C4orf51: variants seen among roughly 807,000 people sequenced by gnomAD.
C4orf51 encodes chromosome 4 open reading frame 51.
Under a neutral mutation model 25.2 loss-of-function variants are expected in C4orf51, and 25 were observed. The observed-to-expected ratio is 0.99, with a 90% CI of 0.72 to 1.39. C4orf51 has a LOEUF of 1.39. Among genes scored for constraint, C4orf51 ranks in the 40% most tolerant of loss-of-function variants. The pLI, the probability that C4orf51 is intolerant of heterozygous loss-of-function variation, is 0.00. For missense variants in C4orf51, 252 were observed against 239.6 expected (o/e 1.05, Z -0.34); for synonymous variants, 100 against 84.5 (o/e 1.18, Z -1.01).
the C4orf51 span, among the ~76,000 whole-genome samples, chr4:145,782,925 T>A: frequency 6.6e-6 from 1 of 152,238 alleles, no homozygotes; most frequent in Non-Finnish European, 1.5e-5. Flanking sequence ...TGAAGCCCTA[T>A]CTCAGATTTT....
chr4:145,700,742 A>C (rs1312831406), intron 2 of C4orf51, among the ~76,000 whole-genome samples: 1 of 151,922 alleles, frequency 6.6e-6, no homozygotes, highest in Non-Finnish European at 1.5e-5. Context: ...AGCGTCGCTG[A>C]GTCTTTCTAA....
At chr4:145,783,228 A>G in the C4orf51 span, among the ~76,000 whole-genome samples, 1 of 152,198 alleles carries the variant, frequency 6.6e-6, no homozygotes, top group East Asian at 1.9e-4. Flanking sequence ...GCTACATAAG[A>G]GGTGCTTAGT....
chr4:145,781,002 C>T, the C4orf51 span, among the ~76,000 whole-genome samples: 231 of 152,154 alleles, frequency 1.5e-3, no homozygotes, highest in African/African-American at 5.4e-3. Flanking sequence ...CGAGACCATC[C>T]TGGCTAACAC....
intron 1 of C4orf51, among the ~76,000 whole-genome samples, chr4:145,749,691 G>A (rs1579033638): frequency 1.3e-5 from 2 of 152,000 alleles, no homozygotes; most frequent in Admixed American, 1.3e-4. Flanking sequence ...CTGGAGTGCA[G>A]TGGTGCAATC....
At chr4:145,714,142 A>T (rs1262971112) in intron 2 of C4orf51, among the ~76,000 whole-genome samples, 1 of 152,220 alleles carries the variant, frequency 6.6e-6, no homozygotes, top group African/African-American at 2.4e-5. Flanking sequence ...TAGGGTAAAC[A>T]TAACTTCTAT....
At chr4:145,709,049 C>T (rs1307178725) in intron 2 of C4orf51, among the ~76,000 whole-genome samples, 4 of 152,160 alleles carry the variant, frequency 2.6e-5, no homozygotes, top group Non-Finnish European at 5.9e-5. Flanking sequence ...GAAGAATACT[C>T]ATGGGAAGCC....
chr4:145,774,796 C>T, downstream of C4orf51: 2 of 1,128,474 alleles, frequency 1.8e-6, no homozygotes, highest in South Asian at 1.6e-5. Flanking sequence ...TTTGTCTCTC[C>T]ACCAAAAGGT....
downstream of C4orf51, among the ~76,000 whole-genome samples, chr4:145,757,067 ATTGT>A (rs991862898): frequency 6.6e-6 from 1 of 152,228 alleles, no homozygotes; most frequent in Non-Finnish European, 1.5e-5. Flanking sequence ...ATTTTAAAAA[ATTGT>A]TTGAACTTAG....
intron 2 of C4orf51, among the ~76,000 whole-genome samples, chr4:145,711,179 A>G (rs957684452): frequency 5.3e-5 from 8 of 152,308 alleles, no homozygotes; most frequent in African/African-American, 1.9e-4. Context: ...TTTAAGGTCC[A>G]TAAATACCCC....
chr4:145,698,075 G>C (rs1298801012), intron 2 of C4orf51, among the ~76,000 whole-genome samples: 1 of 152,154 alleles, frequency 6.6e-6, no homozygotes, highest in Non-Finnish European at 1.5e-5. Flanking sequence ...CCTGAAATTA[G>C]TGAGGTTGAG....
intron 2 of C4orf51, 145 bp downstream of exon 2, chr4:145,696,777 A>C: frequency 1.6e-6 from 1 of 616,722 alleles, no homozygotes; most frequent in Admixed American, 3.1e-5. Flanking sequence ...TCACACCTGT[A>C]CTCTCAGTAC....
intron 3 of C4orf51, 80 bp downstream of exon 3, chr4:145,727,049 AC>A (rs1197118535): frequency 3.0e-5 from 34 of 1,133,884 alleles, no homozygotes; most frequent in South Asian, 1.8e-4. Flanking sequence ...CATTAAAAAA[AC>A]AAAAGGGGTT....
In C4orf51 at chr4:145,740,240, C is replaced by CAAAAAAAAAAAAAAAAA. The variant is rs60310006; in HGVS notation, n.167+7636_167+7652dup. ...AATTATAGCTATCTCTCCCTTTCTG[C>CAAAAAAAAAAAAAAAAA]AAAAAAAAAAAAAAAAAAAAAAAAA... On this transcript the variant is annotated intron_variant and non_coding_transcript_variant, in intron 1 of 1. Coordinates refer to the C4orf51 transcript ENST00000508981. Among the ~76,000 whole-genome samples the CAAAAAAAAAAAAAAAAA allele has an allele frequency of 3.1e-4, 32 of 104,790 alleles. 1 individual carries two copies. Among genetic ancestry groups the CAAAAAAAAAAAAAAAAA allele is most frequent in the African/African-American group, 5.3e-4 (13 of 24,428 alleles). 68.7% of individuals were successfully genotyped at this position (104,790 alleles called of 152,430 possible).
At chr4:145,720,438 A>G (rs1471746324) in intron 2 of C4orf51, among the ~76,000 whole-genome samples, 1 of 152,038 alleles carries the variant, frequency 6.6e-6, no homozygotes, top group African/African-American at 2.4e-5. Flanking sequence ...CACTCCCCCA[A>G]AGGAGCCCTA....
the C4orf51 span, among the ~76,000 whole-genome samples, chr4:145,782,982 T>C: frequency 6.6e-6 from 1 of 152,214 alleles, no homozygotes; most frequent in African/African-American, 2.4e-5. Flanking sequence ...GAGTTAGTCA[T>C]TTCCCCTGCT....
At chr4:145,711,082 C>T (rs1045813651) in intron 2 of C4orf51, among the ~76,000 whole-genome samples, 20 of 151,786 alleles carry the variant, frequency 1.3e-4, no homozygotes, top group African/African-American at 4.4e-4. Context: ...CCCTTGCTGA[C>T]ATCAAGGCAC....
chr4:145,739,879 T>C (rs1222499388), intron 1 of C4orf51, among the ~76,000 whole-genome samples: 1 of 152,138 alleles, frequency 6.6e-6, no homozygotes, highest in Non-Finnish European at 1.5e-5. Flanking sequence ...CTACTCTCAC[T>C]AGATTTTGAG....
Position 145,762,722 on chromosome 4 carries a change from T to C in C4orf51, n.167-8266T>C, listed in dbSNP as rs954264200. ...GGCTGTCCAGAGGGGCCACGAGGAG[T>C]GGTGAGGCCATGTTAACAAACTCTG... On this transcript the variant is annotated intron_variant and non_coding_transcript_variant, in intron 1 of 1. Transcript: ENST00000510096. This position sits in a 1 kb window ranked among gnomAD's most constrained non-coding sequence, Gnocchi z 4.9. Among the ~76,000 whole-genome samples, 1 of 151,706 alleles carries C rather than the reference T, an allele frequency of 6.6e-6. No homozygotes were observed. The highest frequency in any genetic ancestry group is 2.4e-5 in the African/African-American group (1 of 41,268).
At chr4:145,757,717 G>A (rs913718434), downstream of C4orf51, 9 of 151,284 alleles carry the variant, frequency 5.9e-5, no homozygotes, top group Non-Finnish European at 1.2e-4. Flanking sequence ...AAGATGCAAA[G>A]GAATATACCA....
Sources: allele counts gnomAD v4.1 joint callset (sites outside exome capture counted in the v4.1 genomes callset), GRCh38; gene constraint gnomAD v4.1.1; non-coding constraint Gnocchi (gnomAD v3.1); transcripts MANE v1.5; gene names NCBI Gene and HGNC (gene_info 2026-07-23, HGNC 2026-07-21).